Variants in CDKAL1 observed in about 807,000 individuals in gnomAD.
CDKAL1 encodes the protein threonylcarbamoyladenosine tRNA methylthiotransferase.
CDKAL1 carries 32 observed loss-of-function variants against 68.2 expected under a neutral mutation model. The ratio of observed to expected loss-of-function variants is 0.47; its 90% CI spans 0.35 to 0.63. The LOEUF is 0.63. Among genes scored for constraint, CDKAL1 ranks in the 30% least tolerant of loss-of-function variants. The pLI, the probability that CDKAL1 is intolerant of heterozygous loss-of-function variation, is 0.00. For missense variants in CDKAL1, 606 were observed against 696.7 expected (o/e 0.87, Z 1.47); for synonymous variants, 234 against 244.3 (o/e 0.96, Z 0.39).
At chr6:20,626,268 T>C (rs1767429660) in intron 4 of CDKAL1, among the ~76,000 whole-genome samples, 1 of 152,124 alleles carries the variant, frequency 6.6e-6, no homozygotes, top group South Asian at 2.1e-4. Context: ...CCCTCATCTG[T>C]CTCATTTTGC....
At chr6:21,166,450 A>C (rs987804467) in intron 13 of CDKAL1, among the ~76,000 whole-genome samples, 1 of 152,216 alleles carries the variant, frequency 6.6e-6, no homozygotes, top group Non-Finnish European at 1.5e-5. Context: ...TAGATCATAC[A>C]TAACATGCCA....
At chr6:20,756,906 T>TCTCC (rs1774225249) in intron 6 of CDKAL1, 1 of 82,084 alleles carries the variant, frequency 1.2e-5, no homozygotes, top group African/African-American at 3.7e-5. Flanking sequence ...CTTCCTTCCT[T>TCTCC]CCTTCCTTCC....
At chr6:21,090,337 A>G (rs992657808) in intron 12 of CDKAL1, among the ~76,000 whole-genome samples, 1 of 152,214 alleles carries the variant, frequency 6.6e-6, no homozygotes, top group African/African-American at 2.4e-5. Context: ...CAAGGCTGTA[A>G]GTGAAGCCTG....
intron 12 of CDKAL1, among the ~76,000 whole-genome samples, chr6:21,070,399 C>CTCTTT (rs1554170016): frequency 1.3e-3 from 175 of 139,342 alleles, no homozygotes; most frequent in Middle Eastern, 3.8e-3. Context: ...TTGTTTCTCT[C>CTCTTT]TTTTTTTTTT....
At chr6:21,124,588 G>A (rs1344975757) in intron 13 of CDKAL1, among the ~76,000 whole-genome samples, 1 of 151,320 alleles carries the variant, frequency 6.6e-6, no homozygotes, top group East Asian at 2.0e-4. Flanking sequence ...ACTTTTGATT[G>A]TTCTCATTTT....
chr6:20,662,122 T>A (rs1769311946), intron 5 of CDKAL1, among the ~76,000 whole-genome samples: 1 of 152,190 alleles, frequency 6.6e-6, no homozygotes, highest in African/African-American at 2.4e-5. Context: ...CCTTATTGTT[T>A]GCTCTAAGAG....
At chr6:20,925,761 G>GAACCTCT (rs1361609683) in intron 9 of CDKAL1, among the ~76,000 whole-genome samples, 4 of 151,998 alleles carry the variant, frequency 2.6e-5, no homozygotes, top group African/African-American at 9.7e-5. Flanking sequence ...GAAGATACTA[G>GAACCTCT]AACCTCTATC....
chr6:21,070,491 G>A (rs1019201046), intron 12 of CDKAL1, among the ~76,000 whole-genome samples: 1 of 149,416 alleles, frequency 6.7e-6, no homozygotes, highest in Non-Finnish European at 1.5e-5. Flanking sequence ...TATATCCACA[G>A]ATCTTTATGA....
At chr6:20,689,086 T>C (rs975746021) in intron 5 of CDKAL1, among the ~76,000 whole-genome samples, 1 of 152,214 alleles carries the variant, frequency 6.6e-6, no homozygotes, top group East Asian at 1.9e-4. Context: ...CAGGTTAGGC[T>C]GTAGTTAACT....
rs1554137985 is a variant in CDKAL1, at chr6:20,901,699, A to AAAG, written c.743-53718_743-53717insGAA. On this transcript the variant is annotated intron_variant, in intron 9 of 15. Transcript: ENST00000274695. ...CCATCTGGAAAAAAAAAAAAAAAAA[A>AAAG]AAAAGAAAAGAAACACAGTTTTTCC... Among the ~76,000 whole-genome samples, 397 of 75,964 alleles carry AAAG rather than the reference A, an allele frequency of 5.2e-3. 4 individuals are homozygous for AAAG. The highest frequency in any genetic ancestry group is 0.019 in the African/African-American group (349 of 18,546). 49.8% of individuals were successfully genotyped at this position (75,964 alleles called of 152,430 possible).
At chr6:21,173,394 GAA>G (rs1172187015) in intron 13 of CDKAL1, among the ~76,000 whole-genome samples, 1 of 152,056 alleles carries the variant, frequency 6.6e-6, no homozygotes, top group African/African-American at 2.4e-5. Flanking sequence ...GCTTATTTAG[GAA>G]AGTGTTTTAA....
intron 5 of CDKAL1, among the ~76,000 whole-genome samples, chr6:20,732,591 A>G (rs58646447): frequency 0.12 from 17,875 of 151,882 alleles, 2,283 homozygotes; most frequent in African/African-American, 0.32. Context: ...CTGGCTGACA[A>G]GTATCTTCTT....
chr6:21,117,652 ATTAT>A (rs1334522159), intron 13 of CDKAL1, among the ~76,000 whole-genome samples: 2 of 152,054 alleles, frequency 1.3e-5, no homozygotes, highest in African/African-American at 4.8e-5. Flanking sequence ...AAATTTATTC[ATTAT>A]TTATCTGAAA....
intron 15 of CDKAL1, among the ~76,000 whole-genome samples, chr6:21,215,184 G>A (rs1042593316): frequency 6.6e-6 from 1 of 152,124 alleles, no homozygotes; most frequent in African/African-American, 2.4e-5. Context: ...GCCTCAACTG[G>A]GACTCCGTGG....
In CDKAL1 at chr6:20,907,424, AAAAC is replaced by A. The variant is rs569203256; in HGVS notation, c.743-47991_743-47988del. ...ATGACAGAGACCTTGTCTCAAAACAAAAACAAAATTAGTTAAGATGATACATTTT... is the reference window on the plus strand; with the variant it reads ...ATGACAGAGACCTTGTCTCAAAACAAAAAATTAGTTAAGATGATACATTTT... On this transcript the variant is annotated intron_variant, in intron 9 of 15. Transcript: ENST00000274695. 1.6e-3 allele frequency among the ~76,000 whole-genome samples: 243 copies of A among 152,328 alleles called. 1 individual carries two copies. Among genetic ancestry groups the A allele is most frequent in the African/African-American group, 5.3e-3 (222 of 41,554 alleles).
chr6:21,020,110 A>C (rs1398388170), intron 11 of CDKAL1, among the ~76,000 whole-genome samples: 3 of 152,212 alleles, frequency 2.0e-5, no homozygotes, highest in African/African-American at 7.2e-5. Flanking sequence ...AAAAGTAAAA[A>C]TTAAGGGATA....
Position 20,781,149 on chromosome 6 carries a change from C to A in CDKAL1, c.522C>A (p.His174Gln), listed in dbSNP as rs144763683. 1.4e-5 allele frequency: 23 copies of A among 1,613,132 alleles called. No individual in the cohort carries two copies. In the African/African-American group the frequency reaches 2.9e-4, roughly 21 times the overall value. ...VEVVEETIKG[H>Q]SVRLLGQKKD... The stretch of plus-strand genomic sequence containing the variant: ...ATTTATGTGCTTGATTTGAAGGTCA[C>A]TCTGTGAGACTGCTGGGTCAGAAAA... The change falls in exon 8 of 16, where the codon CAC becomes CAA. Residue 174 changes from histidine to glutamine, a missense_variant. Transcript: ENST00000274695.
At chr6:20,642,590 C>T (rs1046793731) in intron 4 of CDKAL1, among the ~76,000 whole-genome samples, 7 of 151,658 alleles carry the variant, frequency 4.6e-5, no homozygotes, top group Admixed American at 2.0e-4. Context: ...ACCAGATTGG[C>T]GGAAGTCCAA....
intron 13 of CDKAL1, among the ~76,000 whole-genome samples, chr6:21,141,928 T>C (rs1775933017): frequency 6.6e-6 from 1 of 152,170 alleles, no homozygotes; most frequent in South Asian, 2.1e-4. Flanking sequence ...GTCTCTTAAA[T>C]CTTATACTGA....
Sources: allele counts gnomAD v4.1 joint callset (sites outside exome capture counted in the v4.1 genomes callset), GRCh38; gene constraint gnomAD v4.1.1; transcripts MANE v1.5; gene names NCBI Gene and HGNC (gene_info 2026-07-23, HGNC 2026-07-21).